The following CDH8 variants were observed in gnomAD, a reference collection of about 807,000 sequenced individuals.
The protein encoded by CDH8 is cadherin-8.
A neutral mutation model predicts 68.1 loss-of-function variants in CDH8; 17 were observed. The ratio of observed to expected loss-of-function variants is 0.25; its 90% CI spans 0.17 to 0.37. The LOEUF (loss-of-function observed/expected upper bound fraction) is 0.37. Among genes scored for constraint, CDH8 ranks in the 10% least tolerant of loss-of-function variants. CDH8 has a pLI of 1.00. For synonymous variants in CDH8, 372 were observed against 365.1 expected (o/e 1.02, Z -0.21); for missense variants, 763 against 999.3 (o/e 0.76, Z 3.19).
intron 2 of CDH8, among the ~76,000 whole-genome samples, chr16:61,987,657 T>C (rs1851375196): frequency 6.6e-6 from 1 of 152,158 alleles, no homozygotes; most frequent in South Asian, 2.1e-4. Flanking sequence ...ACTGATTTCA[T>C]AGTCTCATAC....
At chr16:61,701,689 C>T (rs1226316517) in intron 10 of CDH8, among the ~76,000 whole-genome samples, 2 of 152,196 alleles carry the variant, frequency 1.3e-5, no homozygotes, top group Admixed American at 1.3e-4. Flanking sequence ...AGCAAAAGGA[C>T]ATCCATATAG....
chr16:61,940,398 C>CTTTTTTTTTTTTTTTTTTTTTTTT lies in CDH8; in HGVS notation c.253-38926_253-38925insAAAAAAAAAAAAAAAAAAAAAAAA, dbSNP rs1185703652. Reference sequence around the variant, plus strand: ...GAGCTATGGTAATGAACTACTTGATCTTTTTTTTTTTTTTTTTTTGAGACG... The same window carrying CTTTTTTTTTTTTTTTTTTTTTTTT: ...GAGCTATGGTAATGAACTACTTGATCTTTTTTTTTTTTTTTTTTTTTTTTTTTTTTTTTTTTTTTTTTTGAGACG... On this transcript the variant is annotated intron_variant, in intron 2 of 11. Coordinates refer to ENST00000577390, the MANE Select transcript of CDH8 (RefSeq NM_001796.5). 6.8e-4 allele frequency: 79 copies of CTTTTTTTTTTTTTTTTTTTTTTTT among 116,292 alleles called. 10 individuals are homozygous for CTTTTTTTTTTTTTTTTTTTTTTTT. Among genetic ancestry groups the CTTTTTTTTTTTTTTTTTTTTTTTT allele is most frequent in the East Asian group, 3.0e-3 (10 of 3,308 alleles). 7.2% of individuals were successfully genotyped at this position (116,292 alleles called of 1,614,324 possible).
At chr16:62,000,526 A>C (rs909702335) in intron 2 of CDH8, among the ~76,000 whole-genome samples, 6 of 152,246 alleles carry the variant, frequency 3.9e-5, no homozygotes, top group Non-Finnish European at 8.8e-5. Flanking sequence ...TAGAATAAAA[A>C]AAAGCATGCA....
intron 8 of CDH8, among the ~76,000 whole-genome samples, chr16:61,759,844 TG>T (rs1277917593): frequency 6.6e-6 from 1 of 152,190 alleles, no homozygotes; most frequent in Non-Finnish European, 1.5e-5. Context: ...CCCCTGGATA[TG>T]GGCTCTCTTA....
intron 10 of CDH8, among the ~76,000 whole-genome samples, chr16:61,659,506 C>A (rs1192353757): frequency 6.6e-6 from 1 of 152,156 alleles, no homozygotes; most frequent in African/African-American, 2.4e-5. Context: ...AGTTCTAAGT[C>A]AGTATGGTCA....
intron 2 of CDH8, among the ~76,000 whole-genome samples, chr16:61,985,653 C>T (rs1761181926): frequency 1.3e-5 from 2 of 151,966 alleles, no homozygotes; most frequent in African/African-American, 2.4e-5. Context: ...CCACCATGCC[C>T]AGCTAATTTT....
At chr16:61,678,466 C>T (rs1292423131) in intron 10 of CDH8, among the ~76,000 whole-genome samples, 3 of 152,052 alleles carry the variant, frequency 2.0e-5, no homozygotes, top group Non-Finnish European at 4.4e-5. Context: ...ACTTGCTTTT[C>T]GTTTTCCTTT....
chr16:62,004,096 C>T (rs1406350812), intron 2 of CDH8, among the ~76,000 whole-genome samples: 6 of 152,102 alleles, frequency 3.9e-5, no homozygotes, highest in Admixed American at 1.3e-4. Flanking sequence ...AACTGTCTCG[C>T]TAATTGCAAT....
rs1037700499 is a variant in CDH8, at chr16:62,021,220, C to T, written c.184G>A (p.Gly62Ser). 2 of 1,613,946 alleles carry T rather than the reference C, an allele frequency of 1.2e-6. No homozygotes were observed. The highest frequency in any genetic ancestry group is 1.7e-5 in the Admixed American group (1 of 59,962). The change falls in exon 2 of 12, where the codon GGC becomes AGC. Residue 62 changes from glycine (G) to serine (S), a missense_variant. Coordinates refer to ENST00000577390, the MANE Select transcript of CDH8 (RefSeq NM_001796.5). ...ACAAACATTTGATTCCAAACCCAGCCTCTTTTGGAGCGGTTCAAAATTCGC... is the reference window on the plus strand; with the variant it reads ...ACAAACATTTGATTCCAAACCCAGCTTCTTTTGGAGCGGTTCAAAATTCGC... ...EQRILNRSKRGWVWNQMFVLE... is the reference protein window; with the variant it reads ...EQRILNRSKRSWVWNQMFVLE...
intron 3 of CDH8, among the ~76,000 whole-genome samples, chr16:61,860,154 TTA>T (rs1295310347): frequency 1.8e-4 from 27 of 152,148 alleles, no homozygotes; most frequent in African/African-American, 6.5e-4. Flanking sequence ...TTAGGCACCT[TTA>T]TAAAAGAGCT....
chr16:61,777,298 C>T (rs943137575), intron 8 of CDH8, among the ~76,000 whole-genome samples: 6 of 152,082 alleles, frequency 3.9e-5, no homozygotes, highest in Non-Finnish European at 5.9e-5. Context: ...CTGGAGATAA[C>T]CATTTGCTAT....
chr16:61,768,100 GTTA>G lies in CDH8; in HGVS notation c.1414+21243_1414+21245del, dbSNP rs199775676. On this transcript the variant is annotated intron_variant, in intron 8 of 11. Transcript: ENST00000577390. ...AATGGTAGCTGTTATTATTATGGTT[GTTA>G]TTATTGTTATTTAAGTAAGCATATA... 1.3e-3 allele frequency among the ~76,000 whole-genome samples: 203 copies of G among 151,948 alleles called. 6 individuals are homozygous for G. The East Asian group carries it at 0.022, about 16-fold the overall frequency.
intron 8 of CDH8, among the ~76,000 whole-genome samples, chr16:61,772,847 A>G (rs1960812434): frequency 6.6e-6 from 1 of 151,962 alleles, no homozygotes. Context: ...GGTGATTCTG[A>G]CGCACCAAAA....
intron 8 of CDH8, among the ~76,000 whole-genome samples, chr16:61,781,983 T>A (rs1261596485): frequency 6.6e-6 from 1 of 152,202 alleles, no homozygotes; most frequent in Non-Finnish European, 1.5e-5. Context: ...GCTCTGTTTC[T>A]ATCCAGAGCC....
intron 2 of CDH8, among the ~76,000 whole-genome samples, chr16:61,907,725 G>A (rs1006602012): frequency 1.3e-5 from 2 of 151,024 alleles, no homozygotes; most frequent in Non-Finnish European, 1.5e-5. Flanking sequence ...TTACTGGGGA[G>A]AAAACCTACA....
intron 2 of CDH8, among the ~76,000 whole-genome samples, chr16:61,917,714 G>C (rs994097344): frequency 6.6e-6 from 1 of 152,232 alleles, no homozygotes; most frequent in Non-Finnish European, 1.5e-5. Context: ...CCAAGATGCA[G>C]TGAACTGAAG....
chr16:61,754,975 T>C (rs1960274545), intron 8 of CDH8, among the ~76,000 whole-genome samples: 1 of 152,172 alleles, frequency 6.6e-6, no homozygotes, highest in Non-Finnish European at 1.5e-5. Context: ...TTTATGTCCA[T>C]GTGTACCCAA....
At chr16:61,950,414 T>C (rs569909461) in intron 2 of CDH8, among the ~76,000 whole-genome samples, 3 of 152,286 alleles carry the variant, frequency 2.0e-5, no homozygotes, top group South Asian at 2.1e-4. Flanking sequence ...TCAATACTTA[T>C]TGTTGAGTGA....
chr16:61,735,546 T>C (rs1018747706), intron 8 of CDH8, among the ~76,000 whole-genome samples: 5 of 152,108 alleles, frequency 3.3e-5, no homozygotes, highest in Non-Finnish European at 7.4e-5. Flanking sequence ...CATAGTTATA[T>C]ATATATATGT....
Sources: gnomAD v4.1 joint callset for allele counts (sites outside exome capture counted in the v4.1 genomes callset) on GRCh38, gnomAD v4.1.1 for gene constraint, MANE v1.5 for transcripts, NCBI Gene and HGNC (gene_info 2026-07-23, HGNC 2026-07-21) for gene names.